Variants in IFNAR1 observed in about 807,000 individuals in gnomAD.
IFNAR1 encodes the protein interferon alpha and beta receptor subunit 1, also known as interferon alpha/beta receptor 1.
Under a neutral mutation model 62.1 loss-of-function variants are expected in IFNAR1, and 47 were observed. The observed-to-expected ratio is 0.76, with a 90% CI of 0.60 to 0.97. IFNAR1 has a LOEUF of 0.97. IFNAR1 is among the 50% of genes least tolerant of loss of function. IFNAR1 has a pLI of 0.00. For synonymous variants in IFNAR1, 219 were observed against 226.9 expected (o/e 0.97, Z 0.31); for missense variants, 638 against 654.5 (o/e 0.97, Z 0.27).
At chr21:33,327,890 A>G (rs1312572194) in intron 1 of IFNAR1, among the ~76,000 whole-genome samples, 1 of 152,212 alleles carries the variant, frequency 6.6e-6, no homozygotes, top group Non-Finnish European at 1.5e-5. Context: ...CTTCCAGGTC[A>G]TAGGTAGATT....
Position 33,352,918 on chromosome 21 carries a change from T to A in IFNAR1, c.1294+10T>A. 1 of 1,544,392 alleles carries A rather than the reference T, an allele frequency of 6.5e-7. No individual in the cohort carries two copies. The highest frequency in any genetic ancestry group is 8.8e-7 in the Non-Finnish European group (1 of 1,137,546). On this transcript the variant is annotated intron_variant, in intron 9 of 10. Coordinates refer to ENST00000270139, the MANE Select transcript of IFNAR1 (RefSeq NM_000629.3). Reference sequence around the variant, plus strand: ...GAGAAAACAAAACCAGGTCAGAATCTTTTATTGTCTTTTTTAAAAATGTAG... The same window carrying A: ...GAGAAAACAAAACCAGGTCAGAATCATTTATTGTCTTTTTTAAAAATGTAG...
chr21:33,333,612 A>ATTTTTTTTTTTTT (rs1248949817), intron 1 of IFNAR1, among the ~76,000 whole-genome samples: 1 of 112,168 alleles, frequency 8.9e-6, no homozygotes, highest in African/African-American at 3.6e-5. Context: ...GACTGGCGGA[A>ATTTTTTTTTTTTT]TATTTTTTTT....
chr21:33,335,182 A>G (rs1385180430), intron 1 of IFNAR1: 1 of 538,474 alleles, frequency 1.9e-6, no homozygotes, highest in African/African-American at 1.9e-5. Flanking sequence ...AATTGAGGCC[A>G]TAAAACAGTT....
chr21:33,339,738 A>G (rs568828131), intron 2 of IFNAR1, among the ~76,000 whole-genome samples: 2 of 151,868 alleles, frequency 1.3e-5, no homozygotes, highest in African/African-American at 2.4e-5. Flanking sequence ...TCTAGCCAAC[A>G]TGGCAAAACC....
chr21:33,331,255 A>C (rs962647773), intron 1 of IFNAR1, among the ~76,000 whole-genome samples: 2 of 152,188 alleles, frequency 1.3e-5, no homozygotes, highest in Non-Finnish European at 2.9e-5. Context: ...CACCCAGAGC[A>C]GTCATGCACC....
intron 1 of IFNAR1, among the ~76,000 whole-genome samples, chr21:33,333,692 C>G (rs533661705): frequency 7.0e-6 from 1 of 143,786 alleles, no homozygotes; most frequent in Non-Finnish European, 1.5e-5. Flanking sequence ...GGCGCGATCT[C>G]GGCTCACTGC....
intron 6 of IFNAR1, among the ~76,000 whole-genome samples, chr21:33,347,345 G>T (rs993379552): frequency 2.0e-5 from 3 of 152,256 alleles, no homozygotes; most frequent in Admixed American, 1.3e-4. Context: ...GGCCAGGCTG[G>T]TCTCGAACTC....
Position 33,343,264 on chromosome 21 carries a change from G to A in IFNAR1, c.377-4G>A. The A allele has an allele frequency of 6.2e-7, 1 of 1,604,022 alleles. No individual in the cohort carries two copies. Among genetic ancestry groups the A allele is most frequent in the Non-Finnish European group, 8.5e-7 (1 of 1,176,676 alleles). ...CCATAGTAATTGTTTTGATTTTTTT[G>A]CAGCTCAGATTGGTCCTCCAGAAGT... is the stretch of plus-strand genomic sequence containing the variant. On this transcript the variant is annotated splice_region_variant and splice_polypyrimidine_tract_variant and intron_variant, in intron 3 of 10. Transcript: ENST00000270139.
Position 33,355,589 on chromosome 21 carries a change from G to T in IFNAR1, c.*40G>T. The T allele has an allele frequency of 1.8e-6, 2 of 1,121,346 alleles. No homozygotes were observed. The highest frequency in any genetic ancestry group is 1.6e-5 in the South Asian group (1 of 62,502). The allele number at this position is 1,121,346 out of a possible 1,614,324, so 69.5% of individuals were successfully genotyped here. On this transcript the variant is annotated 3_prime_UTR_variant, in exon 11 of 11. Transcript: ENST00000270139. ...TGTCAAGTATAAGGTTTTTCAGCAG[G>T]AGTTACACTGGGAGCCTGAGGTCCT... is the stretch of plus-strand genomic sequence containing the variant.
rs776038652 is a variant in IFNAR1, at chr21:33,343,432, A to AT, written c.531+15dup. ...CTCTTCAGGTGTAGAAGTAAGCATT[A>AT]TTTTTACCTCTGTTTAATCGATGTG... is the stretch of plus-strand genomic sequence containing the variant. On this transcript the variant is annotated intron_variant, in intron 4 of 10. Coordinates refer to ENST00000270139, the MANE Select transcript of IFNAR1 (RefSeq NM_000629.3). The AT allele has an allele frequency of 6.2e-7, 1 of 1,606,738 alleles. No homozygotes were observed. Among genetic ancestry groups the AT allele is most frequent in the Admixed American group, 1.7e-5 (1 of 59,552 alleles).
chr21:33,345,382 T>G, intron 6 of IFNAR1, 22 bp downstream of exon 6: 1 of 1,314,472 alleles, frequency 7.6e-7, no homozygotes. Flanking sequence ...TCCATAAATT[T>G]CCTTTTGCCC....
chr21:33,332,147 GC>G (rs944684988), intron 1 of IFNAR1, among the ~76,000 whole-genome samples: 1 of 152,186 alleles, frequency 6.6e-6, no homozygotes, highest in Non-Finnish European at 1.5e-5. Context: ...TGTTGCCTTG[GC>G]TGAGTCTCCC....
intron 9 of IFNAR1, 126 bp from the exon 10 acceptor site, chr21:33,353,512 T>C: frequency 1.8e-6 from 1 of 546,808 alleles, no homozygotes; most frequent in Middle Eastern, 4.8e-4. Context: ...CCAGAAATAT[T>C]TTTAAGAGTA....
chr21:33,342,852 G>A (rs1049243978), intron 3 of IFNAR1, among the ~76,000 whole-genome samples: 20 of 151,362 alleles, frequency 1.3e-4, no homozygotes, highest in Admixed American at 2.6e-4. Flanking sequence ...GCGAGACTCC[G>A]TCTCAAAAAA....
At chr21:33,348,904 A>C (rs1329076390) in intron 6 of IFNAR1, among the ~76,000 whole-genome samples, 187 bp from the exon 7 acceptor site, 1 of 152,210 alleles carries the variant, frequency 6.6e-6, no homozygotes, top group African/African-American at 2.4e-5. Context: ...AGCAGAGCAC[A>C]ACATGACCAC....
At chr21:33,352,707 T>C (rs746542650) in intron 8 of IFNAR1, 51 bp from the exon 9 acceptor site, 76 of 1,039,348 alleles carry the variant, frequency 7.3e-5, no homozygotes, top group Non-Finnish European at 7.2e-6. Flanking sequence ...ACATATTCCC[T>C]GATTTCTTGA....
chr21:33,351,224 G>A (rs2083394015), intron 8 of IFNAR1, among the ~76,000 whole-genome samples: 1 of 152,188 alleles, frequency 6.6e-6, no homozygotes. Context: ...GCAAATACTT[G>A]GGACGGTGAC....
chr21:33,331,349 A>G (rs1286235495), intron 1 of IFNAR1, among the ~76,000 whole-genome samples: 11 of 152,082 alleles, frequency 7.2e-5, no homozygotes, highest in African/African-American at 2.7e-4. Flanking sequence ...CCCGGGCCTC[A>G]GCTGAAGGAG....
rs748602086 is a variant in IFNAR1 at position 33,353,753 on chromosome 21, A to G, written c.1410A>G (p.Pro470=). The G allele has an allele frequency of 5.7e-6, 9 of 1,589,252 alleles. No homozygotes were observed. The African/African-American group carries it at 1.2e-4, about 22-fold the overall frequency. Residue 470 remains proline, a synonymous_variant, in exon 10 of 11, where the codon CCA becomes CCG. Coordinates refer to ENST00000270139, the MANE Select transcript of IFNAR1 (RefSeq NM_000629.3). The part of the protein sequence containing the change: ...FLRCINYVFF[P]SLKPSSSIDE... ...GATGCATCAATTATGTCTTCTTTCC[A>G]TCACTTAAACCTTCTTCCAGTATAG... is the stretch of plus-strand genomic sequence containing the variant.
Sources: gnomAD v4.1 joint callset for allele counts (sites outside exome capture counted in the v4.1 genomes callset) on GRCh38, gnomAD v4.1.1 for gene constraint, MANE v1.5 for transcripts, NCBI Gene and HGNC (gene_info 2026-07-23, HGNC 2026-07-21) for gene names.